PRRC2B: variants seen among roughly 807,000 people sequenced by gnomAD.
The protein encoded by PRRC2B is protein PRRC2B.
In PRRC2B, 68 loss-of-function variants were observed where a neutral mutation model predicts 242.3. The observed-to-expected ratio is 0.28, with a 90% confidence interval of 0.23 to 0.34. The LOEUF is 0.34. PRRC2B is among the 10% of genes least tolerant of loss of function. The probability of loss-of-function intolerance (pLI) is 1.00; values close to 1 mark genes in which losing one functional copy is unlikely to be tolerated. For synonymous variants in PRRC2B, 1,228 were observed against 1,173.6 expected (o/e 1.05, Z -0.95); for missense variants, 2,835 against 2,954.8 (o/e 0.96, Z 0.94).
intron 10 of PRRC2B, among the ~76,000 whole-genome samples, chr9:131,455,717 G>A (rs925164522): frequency 1.7e-4 from 26 of 151,886 alleles, no homozygotes; most frequent in African/African-American, 5.6e-4. Flanking sequence ...GGTTTGCCAC[G>A]TTACCCAGGT....
At chr9:131,394,896 A>C (rs1429558129) in intron 1 of PRRC2B, among the ~76,000 whole-genome samples, 1 of 151,234 alleles carries the variant, frequency 6.6e-6, no homozygotes. Flanking sequence ...GAAATGCTGA[A>C]TGCTCCATGC....
chr9:131,414,247 C>G (rs1158582489), intron 1 of PRRC2B, among the ~76,000 whole-genome samples: 1 of 150,344 alleles, frequency 6.7e-6, no homozygotes, highest in Non-Finnish European at 1.5e-5. Flanking sequence ...CAAATCATAT[C>G]GAGAAATCAG....
At chr9:131,488,432 T>A (rs1167838478) in intron 28 of PRRC2B, among the ~76,000 whole-genome samples, 1 of 151,998 alleles carries the variant, frequency 6.6e-6, no homozygotes, top group African/African-American at 2.4e-5. Flanking sequence ...CCTGGCTAAT[T>A]TTTGTATTAG....
At chr9:131,477,639 AGTGG>A in intron 16 of PRRC2B, 101 bp from the exon 17 acceptor site, 1 of 676,202 alleles carries the variant, frequency 1.5e-6, no homozygotes, top group South Asian at 1.8e-5. Context: ...AGCTAGAGGA[AGTGG>A]GCCTAGATCA....
At position 131,444,273 on chromosome 9, in the gene PRRC2B, A is replaced by G; in HGVS notation, c.558A>G (p.Lys186=). ...KAAGGQDKAG[K]EKGVLDLSYG... ...CTGGAGGGCAGGACAAGGCTGGCAA[A>G]GAAAAGGGCGTCTTAGATCTGTCGT... Residue 186 remains lysine (K), a synonymous_variant, in exon 6 of 32, where the codon AAA becomes AAG. Transcript: ENST00000683519. The G allele has an allele frequency of 6.2e-7, 1 of 1,613,882 alleles. No individual in the cohort carries two copies. Among genetic ancestry groups the G allele is most frequent in the Non-Finnish European group, 8.5e-7 (1 of 1,179,816 alleles).
intron 1 of PRRC2B, among the ~76,000 whole-genome samples, chr9:131,400,659 G>A (rs1033982308): frequency 2.6e-5 from 4 of 151,992 alleles, no homozygotes; most frequent in Non-Finnish European, 5.9e-5. Flanking sequence ...TGATCCCTCC[G>A]CCTCCGCCTA....
At chr9:131,408,594 C>T (rs1053348910) in intron 1 of PRRC2B, among the ~76,000 whole-genome samples, 2 of 152,188 alleles carry the variant, frequency 1.3e-5, no homozygotes, top group Non-Finnish European at 2.9e-5. Context: ...AATACAGTAG[C>T]TTCCTGCATT....
chr9:131,438,219 T>C (rs2131337361), intron 4 of PRRC2B, among the ~76,000 whole-genome samples: 1 of 152,236 alleles, frequency 6.6e-6, no homozygotes, highest in Admixed American at 6.5e-5. Context: ...TGAATGTTAG[T>C]TGAGTGGAAA....
At chr9:131,467,917 T>C (rs187104234) in intron 13 of PRRC2B, among the ~76,000 whole-genome samples, 164 bp downstream of exon 13, 2 of 152,310 alleles carry the variant, frequency 1.3e-5, no homozygotes, top group Admixed American at 1.3e-4. Flanking sequence ...ACCTCAAAAC[T>C]TGTGACCTTG....
rs1234761707 is a variant in PRRC2B, at chr9:131,481,813, G to A, written c.4983+5G>A. On this transcript the variant is annotated splice_donor_5th_base_variant and intron_variant, in intron 20 of 31. Transcript: ENST00000683519. ...ACCGAGACTGGCTCTGCGGAGGTGAGTGTGGCCGCTGCCCACATGCTGCCC... is the reference window on the plus strand; with the variant it reads ...ACCGAGACTGGCTCTGCGGAGGTGAATGTGGCCGCTGCCCACATGCTGCCC... The A allele has an allele frequency of 6.4e-7, 1 of 1,552,428 alleles. No homozygotes were observed. Among genetic ancestry groups the A allele is most frequent in the South Asian group, 1.2e-5 (1 of 84,360 alleles).
At chr9:131,381,161 T>G (rs1403358346) in intron 1 of PRRC2B, among the ~76,000 whole-genome samples, 1 of 152,110 alleles carries the variant, frequency 6.6e-6, no homozygotes, top group Admixed American at 6.6e-5. Context: ...CACTAGTTGT[T>G]GTGTCTTCCT....
At chr9:131,383,570 TTTTG>T (rs1463380993) in intron 1 of PRRC2B, among the ~76,000 whole-genome samples, 4 of 151,410 alleles carry the variant, frequency 2.6e-5, no homozygotes, top group Non-Finnish European at 4.4e-5. Flanking sequence ...CTTGTAGGGT[TTTTG>T]TTTGTTTGTT....
chr9:131,479,638 G>A (rs777676349), intron 19 of PRRC2B, among the ~76,000 whole-genome samples: 3 of 152,212 alleles, frequency 2.0e-5, no homozygotes, highest in Non-Finnish European at 2.9e-5. Context: ...GCATTCATTA[G>A]TCTGGTGATC....
chr9:131,381,195 C>A lies in PRRC2B; in HGVS notation c.-56+7464C>A, dbSNP rs1035849479. Among the ~76,000 whole-genome samples the A allele has an allele frequency of 2.6e-5, 4 of 152,134 alleles. 1 individual carries two copies. The highest frequency in any genetic ancestry group is 6.6e-5 in the Admixed American group (1 of 15,252). ...CTGGGTCTCCATGTTGAGGAATATTCTCAAGCGGTTGAGCAGGAAGAGGAC... is the reference window on the plus strand; with the variant it reads ...CTGGGTCTCCATGTTGAGGAATATTATCAAGCGGTTGAGCAGGAAGAGGAC... On this transcript the variant is annotated intron_variant, in intron 1 of 1. Transcript: ENST00000682525.
At position 131,447,092 on chromosome 9, in the gene PRRC2B, C is replaced by T. The variant is rs375065861; in HGVS notation, c.863C>T (p.Ser288Leu). The T allele has an allele frequency of 8.1e-6, 13 of 1,613,854 alleles. No homozygotes were observed. The highest frequency in any genetic ancestry group is 1.3e-5 in the African/African-American group (1 of 74,884). ...ATTGATGTTATGTTTCAGATGTGTTCGCCGAAGTCATCAGAAAACCAGGGT... is the reference window on the plus strand; with the variant it reads ...ATTGATGTTATGTTTCAGATGTGTTTGCCGAAGTCATCAGAAAACCAGGGT... Reference protein sequence around the residue: ...YHDMLPAFMCSPKSSENQGTV... With the variant: ...YHDMLPAFMCLPKSSENQGTV... Residue 288 changes from serine (S) to leucine (L), a missense_variant, in exon 8 of 32, where the codon TCG becomes TTG. Physicochemically the swap from Ser to Leu is moderately radical, Grantham distance 145. Around this residue, in one of 7 missense-constraint regions of PRRC2B, gnomAD observed 626 missense variants for 685.5 expected, o/e 0.91. Coordinates refer to ENST00000683519, the MANE Select transcript of PRRC2B (RefSeq NM_013318.4).
At chr9:131,464,594 C>G (rs1453277247) in intron 11 of PRRC2B, among the ~76,000 whole-genome samples, 169 bp from the exon 12 acceptor site, 1 of 152,228 alleles carries the variant, frequency 6.6e-6, no homozygotes, top group Non-Finnish European at 1.5e-5. Context: ...ATTTCACATA[C>G]AGCAGAGGCC....
intron 1 of PRRC2B, among the ~76,000 whole-genome samples, chr9:131,420,455 T>TTC (rs1190142181): frequency 0.023 from 233 of 9,980 alleles, 2 homozygotes; most frequent in African/African-American, 0.031. Context: ...CTTTTTCTTT[T>TTC]TCTTTCTTTC....
intron 1 of PRRC2B, among the ~76,000 whole-genome samples, chr9:131,380,939 C>T (rs1836752175): frequency 6.8e-6 from 1 of 147,772 alleles, no homozygotes. Flanking sequence ...CCTTCTCAGA[C>T]ATATGGTGTA....
intron 1 of PRRC2B, among the ~76,000 whole-genome samples, chr9:131,420,612 C>G (rs1837814220): frequency 1.3e-5 from 2 of 149,366 alleles, no homozygotes; most frequent in Non-Finnish European, 3.0e-5. Context: ...GTCTCAGCCT[C>G]CTGAGTAGCT....
Sources: gnomAD v4.1 joint callset for allele counts (sites outside exome capture counted in the v4.1 genomes callset) on GRCh38, gnomAD v4.1.1 for gene constraint, gnomAD v4.1.1 regional missense constraint, MANE v1.5 for transcripts, NCBI Gene and HGNC (gene_info 2026-07-23, HGNC 2026-07-21) for gene names.